Variants in MKX observed in about 807,000 individuals in gnomAD.
The protein encoded by MKX is mohawk homeobox.
MKX carries 13 observed loss-of-function variants against 36.0 expected under a neutral mutation model. The observed-to-expected ratio is 0.36, with a 90% CI of 0.24 to 0.57. The LOEUF (loss-of-function observed/expected upper bound fraction) is 0.57. MKX is among the 20% of genes least tolerant of loss of function. The pLI is 0.79. For synonymous variants in MKX, 176 were observed against 178.3 expected (o/e 0.99, Z 0.10); for missense variants, 458 against 456.4 (o/e 1.00, Z -0.03).
At chr10:27,725,478 A>C (rs1422305813) in intron 5 of MKX, among the ~76,000 whole-genome samples, 3 of 152,146 alleles carry the variant, frequency 2.0e-5, no homozygotes, top group Admixed American at 2.0e-4. Flanking sequence ...TATAAATGAT[A>C]TCATTTATAA....
chr10:27,716,934 C>T (rs1836976451), intron 5 of MKX, among the ~76,000 whole-genome samples: 1 of 152,102 alleles, frequency 6.6e-6, no homozygotes, highest in African/African-American at 2.4e-5. Context: ...TCTGGATGGG[C>T]TTGAGGTAAT....
chr10:27,714,086 A>C (rs1189923400), intron 5 of MKX, among the ~76,000 whole-genome samples: 2 of 150,940 alleles, frequency 1.3e-5, no homozygotes, highest in African/African-American at 4.9e-5. Flanking sequence ...GATCTGACAC[A>C]GGGATTAAGT....
At chr10:27,687,443 T>G (rs990393913) in intron 5 of MKX, among the ~76,000 whole-genome samples, 1 of 152,208 alleles carries the variant, frequency 6.6e-6, no homozygotes, top group African/African-American at 2.4e-5. Flanking sequence ...AGAGTACCAA[T>G]GCCTCGGGTC....
Position 27,728,478 on chromosome 10 carries a change from G to A in MKX, c.838+5978C>T, listed in dbSNP as rs961862183. Among the ~76,000 whole-genome samples, 43 of 152,230 alleles carry A rather than the reference G, an allele frequency of 2.8e-4. 1 individual carries two copies. The highest frequency in any genetic ancestry group is 4.4e-5 in the Non-Finnish European group (3 of 68,052). On this transcript the variant is annotated intron_variant, in intron 5 of 6. Transcript: ENST00000419761. ...GTTTAAATATGGTTTCATGGATAGA[G>A]TGACCAGCACCAAACACAGGGCTCC...
At chr10:27,708,568 A>G (rs1836797043) in intron 5 of MKX, among the ~76,000 whole-genome samples, 1 of 152,088 alleles carries the variant, frequency 6.6e-6, no homozygotes, top group African/African-American at 2.4e-5. Flanking sequence ...CATCTCCTTT[A>G]AAATAAAAAA....
intron 5 of MKX, among the ~76,000 whole-genome samples, chr10:27,712,740 G>C (rs1313472370): frequency 6.6e-6 from 1 of 152,154 alleles, no homozygotes; most frequent in African/African-American, 2.4e-5. Flanking sequence ...CTTGAGGCCA[G>C]GAGTTTGAGA....
Position 27,675,311 on chromosome 10 carries a change from C to A in MKX, c.977G>T (p.Gly326Val), listed in dbSNP as rs1469647141. 2 of 1,614,174 alleles carry A rather than the reference C, an allele frequency of 1.2e-6. No homozygotes were observed. Among genetic ancestry groups the A allele is most frequent in the South Asian group, 2.2e-5 (2 of 91,074 alleles). ...CTTCTGGATGATGCAGCTGGTAGTT[C>A]CCTGCAGTTTGTCCTTTCCCTGTGC... The part of the protein sequence containing the change: ...NLAQGKDKLQ[G>V]TTSCIIQKSS... Residue 326 changes from glycine (G) to valine (V), a missense_variant, in exon 7 of 7, where the codon GGA (glycine) becomes GTA (valine). This residue lies in a region of MKX where 297 missense variants were observed against 304.4 expected (regional missense o/e 0.98). Coordinates refer to ENST00000419761, the MANE Select transcript of MKX (RefSeq NM_173576.3).
At chr10:27,709,592 G>A (rs917619154) in intron 5 of MKX, among the ~76,000 whole-genome samples, 1 of 152,228 alleles carries the variant, frequency 6.6e-6, no homozygotes, top group African/African-American at 2.4e-5. Flanking sequence ...TGTTCCACAT[G>A]TGTGAGTGGC....
intron 5 of MKX, among the ~76,000 whole-genome samples, chr10:27,731,655 TA>T (rs55866062): frequency 0.91 from 136,982 of 150,056 alleles, 62,471 homozygotes; most frequent in East Asian, 1. Flanking sequence ...CTTGCATAAC[TA>T]AAAAAAAAAA....
At chr10:27,678,473 C>T (rs1011186261) in intron 5 of MKX, among the ~76,000 whole-genome samples, 5 of 152,204 alleles carry the variant, frequency 3.3e-5, no homozygotes, top group Non-Finnish European at 7.3e-5. Flanking sequence ...TTAGAGAAGA[C>T]TATGTAACTG....
intron 5 of MKX, among the ~76,000 whole-genome samples, chr10:27,724,690 C>T (rs1042641599): frequency 6.6e-6 from 1 of 151,242 alleles, no homozygotes; most frequent in Non-Finnish European, 1.5e-5. Context: ...GAGATGCCAC[C>T]GATCGTCTTC....
At chr10:27,677,725 G>A (rs1836180000) in intron 5 of MKX, among the ~76,000 whole-genome samples, 1 of 152,180 alleles carries the variant, frequency 6.6e-6, no homozygotes, top group Non-Finnish European at 1.5e-5. Context: ...AAATGGCAAG[G>A]TTGTTGTGAA....
chr10:27,730,951 G>A lies in MKX; in HGVS notation c.838+3505C>T, dbSNP rs1315409359. Among the ~76,000 whole-genome samples, 5 of 151,418 alleles carry A rather than the reference G, an allele frequency of 3.3e-5. No individual in the cohort carries two copies. In the East Asian group the frequency reaches 5.9e-4, roughly 18 times the overall value. ...AGATCGAGACCATCCTGGCTAACAC[G>A]GTGAAACCCCGTCTCTACTAAAAAT... On this transcript the variant is annotated intron_variant, in intron 5 of 6. Transcript: ENST00000419761.
intron 5 of MKX, 82 bp downstream of exon 5, chr10:27,734,374 G>C (rs1446618866): frequency 7.9e-7 from 1 of 1,273,430 alleles, no homozygotes; most frequent in Non-Finnish European, 1.1e-6. Flanking sequence ...CTTTATACCT[G>C]TTAAAATAAA....
At chr10:27,722,021 G>A (rs940366353) in intron 5 of MKX, among the ~76,000 whole-genome samples, 1 of 152,098 alleles carries the variant, frequency 6.6e-6, no homozygotes, top group Non-Finnish European at 1.5e-5. Context: ...TAAATTGTAG[G>A]TAGATTATAA....
chr10:27,731,281 A>T (rs1834623342), intron 5 of MKX, among the ~76,000 whole-genome samples: 1 of 152,192 alleles, frequency 6.6e-6, no homozygotes, highest in African/African-American at 2.4e-5. Flanking sequence ...GTTAATACAG[A>T]CTTAGAAAAT....
At chr10:27,679,812 T>A (rs1315391994) in intron 5 of MKX, among the ~76,000 whole-genome samples, 1 of 152,198 alleles carries the variant, frequency 6.6e-6, no homozygotes, top group Non-Finnish European at 1.5e-5. Context: ...TTAAGTGTTG[T>A]AATTTTTTTT....
chr10:27,683,751 C>A (rs1203462510), intron 5 of MKX, among the ~76,000 whole-genome samples: 1 of 152,224 alleles, frequency 6.6e-6, no homozygotes. Flanking sequence ...TGGAGTTATT[C>A]ACATACTTGG....
Position 27,675,296 on chromosome 10 carries a change from A to G in MKX, c.992T>C (p.Ile331Thr). 6.2e-7 allele frequency: 1 copy of G among 1,614,202 alleles called. No individual in the cohort carries two copies. The highest frequency in any genetic ancestry group is 8.5e-7 in the Non-Finnish European group (1 of 1,180,030). ...TGCTATATGGGACGACTTCTGGATGATGCAGCTGGTAGTTCCCTGCAGTTT... is the reference window on the plus strand; with the variant it reads ...TGCTATATGGGACGACTTCTGGATGGTGCAGCTGGTAGTTCCCTGCAGTTT... Reference protein sequence around the residue: ...KDKLQGTTSCIIQKSSHIAEV... With the variant: ...KDKLQGTTSCTIQKSSHIAEV... Residue 331 changes from isoleucine to threonine, a missense_variant, in exon 7 of 7, where the codon ATC becomes ACC. Transcript: ENST00000419761.
Sources: gnomAD v4.1 joint callset for allele counts (sites outside exome capture counted in the v4.1 genomes callset) on GRCh38, gnomAD v4.1.1 for gene constraint, gnomAD v4.1.1 regional missense constraint, MANE v1.5 for transcripts, NCBI Gene and HGNC (gene_info 2026-07-23, HGNC 2026-07-21) for gene names.